CHRM3: variants seen among roughly 807,000 people sequenced by gnomAD.
CHRM3 encodes cholinergic receptor muscarinic 3.
Under a neutral mutation model 41.8 loss-of-function variants are expected in CHRM3, and 11 were observed. The observed-to-expected ratio is 0.26, with a 90% confidence interval of 0.17 to 0.44. CHRM3 has a LOEUF of 0.44. Among genes scored for constraint, CHRM3 ranks in the 20% least tolerant of loss-of-function variants. CHRM3 has a pLI of 1.00. For missense variants in CHRM3, 571 were observed against 745.4 expected (o/e 0.77, Z 2.72); for synonymous variants, 297 against 301.4 (o/e 0.99, Z 0.15).
intron 2 of CHRM3, among the ~76,000 whole-genome samples, chr1:239,504,935 G>T (rs1282140201): frequency 6.6e-6 from 1 of 152,046 alleles, no homozygotes; most frequent in Admixed American, 6.6e-5. Context: ...GGGGGCAAGG[G>T]ATAAAAGACT....
chr1:239,608,617 A>G (rs1666633727), intron 3 of CHRM3, among the ~76,000 whole-genome samples: 1 of 152,140 alleles, frequency 6.6e-6, no homozygotes, highest in Admixed American at 6.6e-5. Flanking sequence ...AACATTTCGT[A>G]TCTTTGAGCA....
At chr1:239,500,760 A>G (rs1037078623) in intron 2 of CHRM3, among the ~76,000 whole-genome samples, 11 of 152,200 alleles carry the variant, frequency 7.2e-5, no homozygotes, top group Admixed American at 2.6e-4. Context: ...AGCATGACGA[A>G]TGCAACAGTA....
chr1:239,546,472 T>C (rs1248283031), intron 3 of CHRM3: 1 of 152,176 alleles, frequency 6.6e-6, no homozygotes, highest in Non-Finnish European at 1.5e-5. Flanking sequence ...AGTAGAGAGC[T>C]GGAAAAAGTT....
chr1:239,577,784 A>G (rs1662512178), intron 3 of CHRM3, among the ~76,000 whole-genome samples: 1 of 152,184 alleles, frequency 6.6e-6, no homozygotes, highest in Non-Finnish European at 1.5e-5. Context: ...CATTTCAAAT[A>G]TGTTCAGACC....
intron 6 of CHRM3, among the ~76,000 whole-genome samples, chr1:239,877,344 G>T (rs1677188514): frequency 6.6e-6 from 1 of 152,006 alleles, no homozygotes; most frequent in Non-Finnish European, 1.5e-5. Flanking sequence ...CTAATAGGGA[G>T]GCTGAGGCAG....
chr1:239,482,495 C>A (rs186651784), intron 1 of CHRM3, among the ~76,000 whole-genome samples: 3 of 152,174 alleles, frequency 2.0e-5, no homozygotes, highest in Non-Finnish European at 2.9e-5. Context: ...ATAACCTTAA[C>A]GCCTAGAATA....
intron 3 of CHRM3, among the ~76,000 whole-genome samples, chr1:239,571,252 G>A (rs763300259): frequency 5.9e-5 from 9 of 152,194 alleles, no homozygotes; most frequent in Non-Finnish European, 1.0e-4. Flanking sequence ...CAACCAGCTT[G>A]TTAGGGCCTG....
intron 6 of CHRM3, among the ~76,000 whole-genome samples, chr1:239,889,482 G>A (rs779079012): frequency 4.6e-5 from 7 of 152,082 alleles, no homozygotes; most frequent in Non-Finnish European, 8.8e-5. Context: ...AGCTGCCGGC[G>A]TTCCCCTGTA....
intron 5 of CHRM3, among the ~76,000 whole-genome samples, chr1:239,818,571 G>T (rs1345014928): frequency 1.6e-4 from 24 of 152,068 alleles, no homozygotes; most frequent in Admixed American, 1.6e-3. Context: ...TCTCACACAG[G>T]GCCAGCCTCT....
intron 4 of CHRM3, among the ~76,000 whole-genome samples, chr1:239,662,437 G>A (rs751369507): frequency 5.3e-5 from 8 of 152,060 alleles, no homozygotes; most frequent in East Asian, 1.9e-4. Context: ...TTTTGTCAAG[G>A]CATTCATTTA....
intron 5 of CHRM3, among the ~76,000 whole-genome samples, chr1:239,783,770 C>A (rs1275995717): frequency 6.6e-6 from 1 of 152,080 alleles, no homozygotes; most frequent in Non-Finnish European, 1.5e-5. Context: ...GAATAAGTTG[C>A]ATGATGCTGA....
At chr1:239,666,220 A>C (rs1432221378) in intron 4 of CHRM3, among the ~76,000 whole-genome samples, 2 of 149,126 alleles carry the variant, frequency 1.3e-5, no homozygotes, top group Non-Finnish European at 3.0e-5. Context: ...GGGGGGATGG[A>C]GTCTCGCTCT....
chr1:239,636,089 G>A (rs930704732), intron 4 of CHRM3, among the ~76,000 whole-genome samples: 3 of 152,166 alleles, frequency 2.0e-5, no homozygotes, highest in African/African-American at 7.2e-5. Context: ...TGGCATTTCT[G>A]ATCTATAATA....
intron 5 of CHRM3, among the ~76,000 whole-genome samples, chr1:239,740,105 T>G (rs145134999): frequency 1.3e-5 from 2 of 152,232 alleles, no homozygotes; most frequent in East Asian, 3.9e-4. Flanking sequence ...TGTGAGATAT[T>G]TGGGTATCTC....
intron 5 of CHRM3, among the ~76,000 whole-genome samples, chr1:239,722,301 C>T (rs187280519): frequency 6.6e-6 from 1 of 152,018 alleles, no homozygotes; most frequent in East Asian, 2.0e-4. Context: ...ACAGAAAGAA[C>T]CTGACAGACA....
intron 5 of CHRM3, among the ~76,000 whole-genome samples, chr1:239,825,238 A>G (rs73129024): frequency 0.025 from 3,749 of 152,276 alleles, 154 homozygotes; most frequent in African/African-American, 0.085. Flanking sequence ...CTCCTCATCT[A>G]TTCAGGCCAG....
chr1:239,446,756 AT>A (rs1664182452), intron 1 of CHRM3, among the ~76,000 whole-genome samples: 1 of 152,188 alleles, frequency 6.6e-6, no homozygotes, highest in Admixed American at 6.5e-5. Context: ...GGCAATGTGC[AT>A]TTTTATTTCA....
At chr1:239,485,451 T>G (rs1392324446) in intron 1 of CHRM3, among the ~76,000 whole-genome samples, 1 of 152,152 alleles carries the variant, frequency 6.6e-6, no homozygotes, top group Non-Finnish European at 1.5e-5. Flanking sequence ...CCTGGCTAAT[T>G]TTTTAAATGT....
chr1:239,566,784 C>T (rs968538713), intron 3 of CHRM3, among the ~76,000 whole-genome samples: 5 of 152,284 alleles, frequency 3.3e-5, no homozygotes, highest in African/African-American at 1.2e-4. Flanking sequence ...CACTACCACG[C>T]GGAGCTGATG....
Sources: gnomAD v4.1 joint callset for allele counts (sites outside exome capture counted in the v4.1 genomes callset) on GRCh38, gnomAD v4.1.1 for gene constraint, MANE v1.5 for transcripts, NCBI Gene and HGNC (gene_info 2026-07-23, HGNC 2026-07-21) for gene names.